ZNF831: variants seen among roughly 807,000 people sequenced by gnomAD.
ZNF831 encodes zinc finger protein 831.
A neutral mutation model predicts 95.8 loss-of-function variants in ZNF831; 59 were observed. The observed-to-expected ratio is 0.62, with a 90% CI of 0.50 to 0.77. The LOEUF (loss-of-function observed/expected upper bound fraction) is 0.77. ZNF831 is among the 30% of genes least tolerant of loss of function. The probability of loss-of-function intolerance (pLI) is 0.00; values close to 1 mark genes in which losing one functional copy is unlikely to be tolerated. For missense variants in ZNF831, 2,205 were observed against 2,164.0 expected (o/e 1.02, Z -0.38); for synonymous variants, 961 against 925.5 (o/e 1.04, Z -0.70).
intron 1 of ZNF831, among the ~76,000 whole-genome samples, chr20:59,180,420 G>C (rs182782514): frequency 4.6e-5 from 7 of 152,208 alleles, no homozygotes; most frequent in African/African-American, 1.7e-4. Context: ...TGTTACATAG[G>C]TATACATGTG....
intron 4 of ZNF831, among the ~76,000 whole-genome samples, chr20:59,211,065 A>AAAAAAAAAAAAAAAAAC (rs753979009): frequency 2.6e-5 from 2 of 77,548 alleles, no homozygotes; most frequent in African/African-American, 1.6e-4. Context: ...AAAAAAAAAA[A>AAAAAAAAAAAAAAAAAC]CAAATCCAAG....
intron 1 of ZNF831, among the ~76,000 whole-genome samples, chr20:59,140,091 T>C (rs554935365): frequency 9.2e-5 from 14 of 152,246 alleles, no homozygotes; most frequent in Admixed American, 2.0e-4. Flanking sequence ...TAATTGGCAG[T>C]GTATTTTTCT....
intron 4 of ZNF831, among the ~76,000 whole-genome samples, chr20:59,211,883 G>A (rs988700358): frequency 2.6e-5 from 4 of 152,030 alleles, no homozygotes; most frequent in Non-Finnish European, 5.9e-5. Flanking sequence ...ACAATGATGG[G>A]GTAATCTGTT....
chr20:59,163,994 G>C lies in ZNF831; in HGVS notation c.-250G>C, dbSNP rs1981056318. 6.6e-6 allele frequency among the ~76,000 whole-genome samples: 1 copy of C among 152,116 alleles called. No homozygotes were observed. Among genetic ancestry groups the C allele is most frequent in the African/African-American group, 2.4e-5 (1 of 41,404 alleles). On this transcript the variant is annotated 5_prime_UTR_variant, in exon 1 of 6. Transcript: ENST00000371030. ...TCCGTTCTCTGAGATGCTGCCTGCA[G>C]AGTAGGAACTGGGAGAGAACACTAA... is the stretch of plus-strand genomic sequence containing the variant.
chr20:59,133,429 G>A (rs1218929719), intron 1 of ZNF831, among the ~76,000 whole-genome samples: 9 of 152,172 alleles, frequency 5.9e-5, no homozygotes, highest in Non-Finnish European at 1.0e-4. Flanking sequence ...CCCCCGTCAA[G>A]TTCTTATCCA....
intron 2 of ZNF831, 39 bp from the exon 3 acceptor site, chr20:59,195,830 C>T (rs772067207): frequency 1.9e-6 from 3 of 1,593,758 alleles, no homozygotes; most frequent in Non-Finnish European, 2.6e-6. Context: ...ATCATGAGGA[C>T]TTTGAGTAAT....
rs1343686288 is a variant in ZNF831, at chr20:59,206,775, G to A, written c.3876-130G>A. 37 of 970,332 alleles carry A rather than the reference G, an allele frequency of 3.8e-5. No individual in the cohort carries two copies. The South Asian group carries it at 5.3e-4, about 14-fold the overall frequency. The allele number at this position is 970,332 out of a possible 1,614,324, so 60.1% of individuals were successfully genotyped here. ...ATGAGGTATGGAGGGATCAGGAGTTGCTCAGAGCTGACCAGCTAGTTAGAG... is the reference window on the plus strand; with the variant it reads ...ATGAGGTATGGAGGGATCAGGAGTTACTCAGAGCTGACCAGCTAGTTAGAG... On this transcript the variant is annotated intron_variant, in intron 3 of 5. Transcript: ENST00000371030.
chr20:59,218,335 T>G (rs887070379), intron 4 of ZNF831, among the ~76,000 whole-genome samples: 3 of 152,244 alleles, frequency 2.0e-5, no homozygotes, highest in Admixed American at 2.0e-4. Flanking sequence ...TATCTTATTT[T>G]GAAATGTTGC....
chr20:59,163,512 A>T (rs996615211), upstream of ZNF831, among the ~76,000 whole-genome samples: 2 of 152,192 alleles, frequency 1.3e-5, no homozygotes, highest in Non-Finnish European at 2.9e-5. Context: ...CTCTGGGGTT[A>T]CATGTGGAGG....
chr20:59,190,959 G>A (rs1983449632), intron 1 of ZNF831, 25 bp from the exon 2 acceptor site: 1 of 1,459,618 alleles, frequency 6.9e-7, no homozygotes, highest in Non-Finnish European at 9.0e-7. Context: ...AGGTGCCCAT[G>A]GTAAAGTTTG....
Position 59,256,459 on chromosome 20 carries a change from A to G in ZNF831, c.*1716A>G, listed in dbSNP as rs1384249506. On this transcript the variant is annotated 3_prime_UTR_variant, in exon 6 of 6. Coordinates refer to ENST00000371030, the MANE Select transcript of ZNF831 (RefSeq NM_178457.3). Reference sequence around the variant, plus strand: ...TCTCCCTTTTCGAAGGATTCATGCCACTGTAATGAGAGAGGCAGTGTAGGC... The same window carrying G: ...TCTCCCTTTTCGAAGGATTCATGCCGCTGTAATGAGAGAGGCAGTGTAGGC... 6.6e-6 allele frequency: 1 copy of G among 152,242 alleles called. No homozygotes were observed. The highest frequency in any genetic ancestry group is 2.4e-5 in the African/African-American group (1 of 41,472). 9.4% of individuals were successfully genotyped at this position (152,242 alleles called of 1,614,324 possible). A position where few individuals can be genotyped will look rare whatever the true frequency, so the allele number is the denominator to read the frequency against.
intron 4 of ZNF831, among the ~76,000 whole-genome samples, chr20:59,215,892 A>C (rs1261535858): frequency 6.6e-6 from 1 of 152,192 alleles, no homozygotes; most frequent in African/African-American, 2.4e-5. Context: ...TTTGGTAAAT[A>C]AGTTCTAGCC....
At chr20:59,234,923 C>A (rs960264181) in intron 4 of ZNF831, among the ~76,000 whole-genome samples, 7 of 152,108 alleles carry the variant, frequency 4.6e-5, no homozygotes, top group African/African-American at 1.4e-4. Flanking sequence ...TAACTATTGA[C>A]CCATTATTGT....
At chr20:59,176,430 A>T (rs998940157) in intron 1 of ZNF831, among the ~76,000 whole-genome samples, 8 of 152,210 alleles carry the variant, frequency 5.3e-5, no homozygotes, top group African/African-American at 1.9e-4. Context: ...AGAACTGTAC[A>T]CTAAAGAGGG....
intron 4 of ZNF831, among the ~76,000 whole-genome samples, chr20:59,214,120 G>T (rs1182753939): frequency 6.6e-6 from 1 of 152,116 alleles, no homozygotes; most frequent in African/African-American, 2.4e-5. Context: ...AAGAAGGAAA[G>T]AAAAAAGGCC....
chr20:59,250,256 T>C (rs1176946139), intron 4 of ZNF831, among the ~76,000 whole-genome samples: 2 of 152,170 alleles, frequency 1.3e-5, no homozygotes, highest in South Asian at 2.1e-4. Flanking sequence ...TTTGAGCAAA[T>C]GTGAATACTG....
At position 59,176,691 on chromosome 20, in the gene ZNF831, G is replaced by A. The variant is rs1982193059; in HGVS notation, c.-37+12484G>A. Among the ~76,000 whole-genome samples the A allele has an allele frequency of 3.3e-5, 5 of 152,266 alleles. No homozygotes were observed. The South Asian group carries it at 1.0e-3, about 32-fold the overall frequency. ...TATCCATACCTTGTAGTTCTGACAT[G>A]GGCAGTTTAAGAGGTAGGGTTAACT... is the stretch of plus-strand genomic sequence containing the variant. On this transcript the variant is annotated intron_variant, in intron 1 of 5. Transcript: ENST00000371030.
chr20:59,193,396 G>C lies in ZNF831; in HGVS notation c.2377G>C (p.Gly793Arg). ...PKLEGGARGV[G>R]DVQETCLWAQ... The stretch of plus-strand genomic sequence containing the variant: ...GCTGGAAGGAGGTGCCCGAGGTGTG[G>C]GGGATGTTCAGGAGACCTGCCTGTG... The change falls in exon 2 of 6, where the codon GGG (glycine) becomes CGG (arginine). Residue 793 changes from glycine (G) to arginine (R), a missense_variant. By Grantham distance (125) the Gly-to-Arg change is moderately radical. Coordinates refer to ENST00000371030, the MANE Select transcript of ZNF831 (RefSeq NM_178457.3). The C allele has an allele frequency of 6.2e-7, 1 of 1,602,608 alleles. No homozygotes were observed.
intron 4 of ZNF831, among the ~76,000 whole-genome samples, chr20:59,247,037 A>T (rs75730847): frequency 0.025 from 3,754 of 152,336 alleles, 74 homozygotes; most frequent in Non-Finnish European, 0.036. Flanking sequence ...AAGAGGCTTC[A>T]TAAACAAAAA....
Sources: allele counts gnomAD v4.1 joint callset (sites outside exome capture counted in the v4.1 genomes callset), GRCh38; gene constraint gnomAD v4.1.1; transcripts MANE v1.5; gene names NCBI Gene and HGNC (gene_info 2026-07-23, HGNC 2026-07-21).